Variants in NBEAL1 observed in about 807,000 individuals in gnomAD.
The protein encoded by NBEAL1 is neurobeachin like 1.
In NBEAL1, 273 loss-of-function variants were observed where a neutral mutation model predicts 351.3. The observed-to-expected ratio is 0.78, with a 90% CI of 0.70 to 0.86. The LOEUF is 0.86. Ranked by LOEUF, NBEAL1 falls within the 40% of genes least tolerant of loss-of-function variation. NBEAL1 has a pLI of 0.00. For missense variants in NBEAL1, 2,961 were observed against 3,201.3 expected (o/e 0.92, Z 1.81); for synonymous variants, 1,050 against 1,086.4 (o/e 0.97, Z 0.66).
At chr2:203,163,842 G>A (rs1003674526) in intron 36 of NBEAL1, among the ~76,000 whole-genome samples, 2 of 152,040 alleles carry the variant, frequency 1.3e-5, no homozygotes, top group African/African-American at 4.8e-5. Context: ...GATCATTCTC[G>A]ATGTGGTTTT....
intron 41 of NBEAL1, among the ~76,000 whole-genome samples, chr2:203,174,216 CAAAAAAAAA>C (rs10652390): frequency 0.13 from 3,162 of 24,620 alleles, 118 homozygotes; most frequent in African/African-American, 0.31. Flanking sequence ...TTTATACTAG[CAAAAAAAAA>C]AAAAAAAAAA....
At chr2:203,189,189 G>A (rs918113420) in intron 45 of NBEAL1, among the ~76,000 whole-genome samples, 7 of 152,118 alleles carry the variant, frequency 4.6e-5, no homozygotes, top group Non-Finnish European at 7.4e-5. Context: ...ATTACTAGTC[G>A]TGTAACAATC....
At chr2:203,040,743 G>A (rs2061127161) in intron 2 of NBEAL1, 1 of 579,664 alleles carries the variant, frequency 1.7e-6, no homozygotes, top group Admixed American at 1.9e-5. Flanking sequence ...TCCACCTTTT[G>A]GTGACCCATC....
intron 12 of NBEAL1, among the ~76,000 whole-genome samples, chr2:203,101,395 A>G (rs2062316615): frequency 6.6e-6 from 1 of 152,094 alleles, no homozygotes; most frequent in African/African-American, 2.4e-5. Context: ...TGTTGTGGTT[A>G]CTGTAATCTC....
chr2:203,093,018 G>T (rs539219112), intron 10 of NBEAL1, among the ~76,000 whole-genome samples: 4 of 151,880 alleles, frequency 2.6e-5, no homozygotes, highest in Admixed American at 6.6e-5. Context: ...GGATCACAAG[G>T]TTAGGAGATT....
rs1386656212 is a variant in NBEAL1, at chr2:203,224,178, T to C, written c.*6824T>C. On this transcript the variant is annotated 3_prime_UTR_variant, in exon 56 of 56. Coordinates refer to ENST00000683969, the MANE Select transcript of NBEAL1 (RefSeq NM_001378026.1). ...TCTTTTATATTTTAAACTGTTTTTT[T>C]CCTATTCTGCTTTTTGCTGCTCTCA... is the stretch of plus-strand genomic sequence containing the variant. Among the ~76,000 whole-genome samples the C allele has an allele frequency of 6.6e-6, 1 of 152,094 alleles. No homozygotes were observed. The highest frequency in any genetic ancestry group is 2.4e-5 in the African/African-American group (1 of 41,458).
chr2:203,220,063 A>G lies in NBEAL1; in HGVS notation c.*2709A>G, dbSNP rs528854825. Among the ~76,000 whole-genome samples, 1 of 152,334 alleles carries G rather than the reference A, an allele frequency of 6.6e-6. No individual in the cohort carries two copies. Among genetic ancestry groups the G allele is most frequent in the South Asian group, 2.1e-4 (1 of 4,824 alleles). On this transcript the variant is annotated 3_prime_UTR_variant, in exon 56 of 56. Transcript: ENST00000683969. ...AAGAAGTACTTTTGAGAATTCTGGTATATTTAGATGTTACCCATAGAAATT... is the reference window on the plus strand; with the variant it reads ...AAGAAGTACTTTTGAGAATTCTGGTGTATTTAGATGTTACCCATAGAAATT...
chr2:203,217,184 GTCTTACATA>G, intron 55 of NBEAL1, 60 bp from the exon 56 acceptor site: 1 of 1,167,904 alleles, frequency 8.6e-7, no homozygotes, highest in African/African-American at 1.6e-5. Context: ...CAAAATCAGT[GTCTTACATA>G]TCTTTTTTTT....
At chr2:203,173,891 G>A (rs2064402121) in intron 41 of NBEAL1, among the ~76,000 whole-genome samples, 1 of 151,954 alleles carries the variant, frequency 6.6e-6, no homozygotes, top group Non-Finnish European at 1.5e-5. Flanking sequence ...TCAGCTTAAT[G>A]AACCCATTAC....
chr2:203,052,813 A>C (rs987148264), intron 4 of NBEAL1, among the ~76,000 whole-genome samples: 2 of 151,778 alleles, frequency 1.3e-5, no homozygotes, highest in Non-Finnish European at 2.9e-5. Flanking sequence ...CTCAAACTCC[A>C]GGGCTCAAGT....
intron 8 of NBEAL1, among the ~76,000 whole-genome samples, chr2:203,080,464 G>A (rs1394160217): frequency 6.6e-6 from 1 of 151,992 alleles, no homozygotes; most frequent in Non-Finnish European, 1.5e-5. Context: ...TTTCCTCCTT[G>A]TTTTTGCTCT....
chr2:203,125,614 C>A, intron 20 of NBEAL1, 94 bp downstream of exon 20: 2 of 1,142,624 alleles, frequency 1.8e-6, no homozygotes, highest in Non-Finnish European at 2.3e-6. Context: ...TAGGAAGAAA[C>A]TTAACCATTT....
rs778471471 is a variant in NBEAL1, at chr2:203,193,899, A to AT, written c.7032dup (p.Ile2345TyrfsTer5). 4 of 1,597,930 alleles carry AT rather than the reference A, an allele frequency of 2.5e-6. No individual in the cohort carries two copies. The highest frequency in any genetic ancestry group is 3.4e-6 in the Non-Finnish European group (4 of 1,167,076). ...TTCAACACCTTCCTGAACTCAAGTC[A>AT]TTTTTTATAGAGGTAATATCCTACT... On this transcript the variant is annotated frameshift_variant, in exon 47 of 56. Coordinates refer to ENST00000683969, the MANE Select transcript of NBEAL1 (RefSeq NM_001378026.1). LOFTEE classifies it high-confidence loss of function.
rs562183493 is a variant in NBEAL1 at position 203,025,927 on chromosome 2, G to A, written c.51+9492G>A. On this transcript the variant is annotated intron_variant, in intron 2 of 55. Transcript: ENST00000683969. Reference sequence around the variant, plus strand: ...TTTCCTTTTGCTGTATCTGAAGTGGGCATTGGAGACTACACTTTGTTGTGA... The same window carrying A: ...TTTCCTTTTGCTGTATCTGAAGTGGACATTGGAGACTACACTTTGTTGTGA... Among the ~76,000 whole-genome samples the A allele has an allele frequency of 5.3e-5, 8 of 151,886 alleles. No individual in the cohort carries two copies. The East Asian group carries it at 1.5e-3, about 29-fold the overall frequency.
chr2:203,084,467 C>T lies in NBEAL1; in HGVS notation c.996C>T (p.Thr332=). 2 of 1,447,194 alleles carry T rather than the reference C, an allele frequency of 1.4e-6. No individual in the cohort carries two copies. Among genetic ancestry groups the T allele is most frequent in the South Asian group, 1.5e-5 (1 of 67,024 alleles). The allele number at this position is 1,447,194 out of a possible 1,614,324, so 89.6% of individuals were successfully genotyped here. The part of the protein sequence containing the change: ...FIALQIKMLN[T]ITAMLDCTDR... ...ATTTTCTTTTTATTTTCCTAGATAC[C>T]ATCACAGCCATGTTAGATTGTACAG... The change falls in exon 10 of 56, where the codon ACC becomes ACT. Residue 332 remains threonine, a synonymous_variant. Coordinates refer to ENST00000683969, the MANE Select transcript of NBEAL1 (RefSeq NM_001378026.1).
At chr2:203,018,526 A>G (rs2060717215) in intron 2 of NBEAL1, among the ~76,000 whole-genome samples, 1 of 152,032 alleles carries the variant, frequency 6.6e-6, no homozygotes. Flanking sequence ...TGCTTATCTA[A>G]CTCAGTATTC....
In NBEAL1 at chr2:203,191,158, G is replaced by A. The variant is rs1247046579; in HGVS notation, c.6921+769G>A. The A allele has an allele frequency of 4.4e-6, 7 of 1,585,090 alleles. No individual in the cohort carries two copies. In the East Asian group the frequency reaches 1.3e-4, roughly 30 times the overall value. The stretch of plus-strand genomic sequence containing the variant: ...CCGATCCTTAGCCAGAGAACTCTCT[G>A]GAACCATTAAAGAGATCCTGGGGAC... On this transcript the variant is annotated intron_variant, in intron 46 of 55. Coordinates refer to ENST00000683969, the MANE Select transcript of NBEAL1 (RefSeq NM_001378026.1).
Position 203,016,291 on chromosome 2 carries a change from A to C in NBEAL1, c.-94A>C. 1.2e-6 allele frequency: 1 copy of C among 847,556 alleles called. No individual in the cohort carries two copies. The highest frequency in any genetic ancestry group is 2.4e-4 in the Middle Eastern group (1 of 4,152). 52.5% of individuals were successfully genotyped at this position (847,556 alleles called of 1,614,324 possible). ...TTCTTTACTGCTATGAGCTTTACTG[A>C]ACGGCTGAAAAACTTGGAAAATAAA... On this transcript the variant is annotated 5_prime_UTR_variant, in exon 2 of 56. Transcript: ENST00000683969.
chr2:203,157,686 G>A lies in NBEAL1; in HGVS notation c.5588-13G>A, dbSNP rs746968575. 7.7e-6 allele frequency: 12 copies of A among 1,554,416 alleles called. No homozygotes were observed. The highest frequency in any genetic ancestry group is 4.6e-5 in the East Asian group (2 of 43,214). On this transcript the variant is annotated splice_polypyrimidine_tract_variant and intron_variant, in intron 35 of 55. Transcript: ENST00000683969. ...TTACTTTATGTTTAATAGATATTTTGTGTTTAAAACAGGTATCCAACACTC... is the reference window on the plus strand; with the variant it reads ...TTACTTTATGTTTAATAGATATTTTATGTTTAAAACAGGTATCCAACACTC...
Sources: allele counts gnomAD v4.1 joint callset (sites outside exome capture counted in the v4.1 genomes callset), GRCh38; gene constraint gnomAD v4.1.1; transcripts MANE v1.5; gene names NCBI Gene and HGNC (gene_info 2026-07-23, HGNC 2026-07-21).